MRPL24: variants seen among roughly 807,000 people sequenced by gnomAD.
MRPL24 encodes large ribosomal subunit protein uL24m.
Under a neutral mutation model 26.9 loss-of-function variants are expected in MRPL24, and 15 were observed. The observed-to-expected ratio is 0.56, with a 90% CI of 0.37 to 0.86. The LOEUF (loss-of-function observed/expected upper bound fraction) is 0.86. MRPL24 is among the 40% of genes least tolerant of loss of function. The pLI is 0.00. For missense variants in MRPL24, 241 were observed against 281.4 expected (o/e 0.86, Z 1.03); for synonymous variants, 92 against 102.4 (o/e 0.90, Z 0.62).
At chr1:156,740,290 G>A (rs781175188) in intron 1 of MRPL24, 7 of 152,040 alleles carry the variant, frequency 4.6e-5, no homozygotes, top group Non-Finnish European at 4.4e-5. Flanking sequence ...GTGAGATACT[G>A]GCTCATTTTT....
chr1:156,738,692 C>T lies in MRPL24; in HGVS notation c.13G>A (p.Ala5Thr), dbSNP rs1649980284. 6.3e-7 allele frequency: 1 copy of T among 1,585,348 alleles called. No homozygotes were observed. Among genetic ancestry groups the T allele is most frequent in the Non-Finnish European group, 8.5e-7 (1 of 1,171,800 alleles). Residue 5 changes from alanine to threonine, a missense_variant, in exon 2 of 6, where the codon GCC (alanine) becomes ACC (threonine). Physicochemically the swap from Ala to Thr is moderately conservative, Grantham distance 58. Coordinates refer to ENST00000361531, the MANE Select transcript of MRPL24 (RefSeq NM_145729.3). ...ACCTTGGATGCCAAGGCCAGCAGGGCAGAAAGACGCATGCCTGGAGGTTGT... is the reference window on the plus strand; with the variant it reads ...ACCTTGGATGCCAAGGCCAGCAGGGTAGAAAGACGCATGCCTGGAGGTTGT... Reference protein sequence around the residue: MRLSALLALASKVTL... With the variant: MRLSTLLALASKVTL...
In MRPL24 at chr1:156,738,711, A is replaced by G. The variant is rs549498075; in HGVS notation, c.-7T>C. ...GCAGGGCAGAAAGACGCATGCCTGGAGGTTGTAAGAAATCCCTTTGCCAGC... is the reference window on the plus strand; with the variant it reads ...GCAGGGCAGAAAGACGCATGCCTGGGGGTTGTAAGAAATCCCTTTGCCAGC... On this transcript the variant is annotated 5_prime_UTR_variant, in exon 2 of 6. Transcript: ENST00000361531. 1 of 1,570,174 alleles carries G rather than the reference A, an allele frequency of 6.4e-7. No individual in the cohort carries two copies. Among genetic ancestry groups the G allele is most frequent in the South Asian group, 1.2e-5 (1 of 84,708 alleles).
In MRPL24 at chr1:156,738,642, A is replaced by T. The variant is rs745441371; in HGVS notation, c.63T>A (p.Tyr21Ter). The change falls in exon 2 of 6, where the codon TAT (tyrosine) becomes TAA (stop). Residue 21 changes from tyrosine to a stop codon, truncating the protein, a stop_gained. Transcript: ENST00000361531. LOFTEE classifies it high-confidence loss of function. The part of the protein sequence containing the change: ...SKVTLPPHYR[Y>*]GMSPPGSVAD... ...CAACAGAGCCTGGGGGGCTCATCCC[A>T]TAGCGGTAATGGGGGGGCAGAGTGA... The T allele has an allele frequency of 2.5e-5, 40 of 1,607,844 alleles. No homozygotes were observed. Among genetic ancestry groups the T allele is most frequent in the Non-Finnish European group, 3.3e-5 (39 of 1,178,148 alleles).
intron 2 of MRPL24, 32 bp downstream of exon 2, chr1:156,738,490 C>G: frequency 6.2e-7 from 1 of 1,613,858 alleles, no homozygotes; most frequent in Non-Finnish European, 8.5e-7. Context: ...AGGAGGTTCC[C>G]CATCACTCTA....
chr1:156,739,706 G>A (rs868633883), intron 1 of MRPL24, among the ~76,000 whole-genome samples: 4 of 150,448 alleles, frequency 2.7e-5, no homozygotes, highest in South Asian at 4.2e-4. Context: ...CTGTCGCCCA[G>A]GCTGGAGTGC....
At position 156,738,143 on chromosome 1, in the gene MRPL24, G is replaced by A; in HGVS notation, c.280-9C>T. ...CCAATGTAGCGGTAATGCTGTCCAA[G>A]AGAGGGGAGTGTCAGAAAGCACGGG... is the stretch of plus-strand genomic sequence containing the variant. On this transcript the variant is annotated splice_polypyrimidine_tract_variant and intron_variant, in intron 3 of 5. Coordinates refer to ENST00000361531, the MANE Select transcript of MRPL24 (RefSeq NM_145729.3). 1 of 1,613,690 alleles carries A rather than the reference G, an allele frequency of 6.2e-7. No homozygotes were observed. The highest frequency in any genetic ancestry group is 1.1e-5 in the South Asian group (1 of 91,086).
At chr1:156,738,225 A>C (rs948967164) in intron 3 of MRPL24, 91 bp from the exon 4 acceptor site, 1 of 1,532,348 alleles carries the variant, frequency 6.5e-7, no homozygotes, top group African/African-American at 1.4e-5. Flanking sequence ...TGAAAAGTAG[A>C]AGGTTCAGTA....
chr1:156,741,514 T>C (rs1386393407), upstream of MRPL24: 1 of 152,196 alleles, frequency 6.6e-6, no homozygotes, highest in East Asian at 1.9e-4. Flanking sequence ...AAACTGCCGG[T>C]AGGCTTTCTA....
upstream of MRPL24, chr1:156,742,543 C>G (rs1424091745): frequency 6.5e-5 from 10 of 152,804 alleles, no homozygotes; most frequent in Admixed American, 1.3e-4. Context: ...TTGTAATTTT[C>G]TTTTATTAAA....
chr1:156,741,270 C>A (rs1321377398), upstream of MRPL24: 1 of 152,250 alleles, frequency 6.6e-6, no homozygotes, highest in African/African-American at 2.4e-5. Flanking sequence ...CCGGAACACA[C>A]CATGAAGCAT....
chr1:156,738,652 T>TG lies in MRPL24; in HGVS notation c.52dup (p.His18ProfsTer34), dbSNP rs760797871. On this transcript the variant is annotated frameshift_variant, in exon 2 of 6. Transcript: ENST00000361531. LOFTEE classifies it high-confidence loss of function. ...TGGGGGGCTCATCCCATAGCGGTAA[T>TG]GGGGGGGCAGAGTGACCTTGGATGC... is the stretch of plus-strand genomic sequence containing the variant. 98 of 1,601,534 alleles carry TG rather than the reference T, an allele frequency of 6.1e-5. No homozygotes were observed. The highest frequency in any genetic ancestry group is 1.9e-4 in the South Asian group (17 of 89,224).
At position 156,737,520 on chromosome 1, in the gene MRPL24, T is replaced by G; in HGVS notation, c.529A>C (p.Thr177Pro). The G allele has an allele frequency of 6.2e-7, 1 of 1,606,858 alleles. No homozygotes were observed. Among genetic ancestry groups the G allele is most frequent in the Non-Finnish European group, 8.5e-7 (1 of 1,176,770 alleles). The stretch of plus-strand genomic sequence containing the variant: ...CTTTCTAAAGCATCTTCCACTGATG[T>G]GTCTTTGGGGCCATCTGTTAAGCCA... ...PETWIDGPKD[T>P]SVEDALERTY... Residue 177 changes from threonine to proline, a missense_variant, in exon 6 of 6, where the codon ACA becomes CCA. Physicochemically the swap from Thr to Pro is conservative, Grantham distance 38 (BLOSUM62 -1). Transcript: ENST00000361531.
At chr1:156,741,786 G>A (rs1307740959), upstream of MRPL24, among the ~76,000 whole-genome samples, 3 of 152,156 alleles carry the variant, frequency 2.0e-5, no homozygotes, top group Non-Finnish European at 4.4e-5. Context: ...TATACAACCA[G>A]CCTCCAAACT....
upstream of MRPL24, chr1:156,742,515 G>A (rs995841930): frequency 9.1e-4 from 138 of 152,236 alleles, 1 homozygote; most frequent in Non-Finnish European, 1.5e-5. Flanking sequence ...AAGGGTTAGG[G>A]GTCTTTAAAA....
intron 5 of MRPL24, 53 bp downstream of exon 5, chr1:156,737,593 C>T: frequency 1.2e-6 from 2 of 1,609,736 alleles, no homozygotes; most frequent in Non-Finnish European, 1.7e-6. Context: ...CATTAATGTC[C>T]CCTACTCTCA....
upstream of MRPL24, chr1:156,742,462 A>C (rs1650189788): frequency 6.5e-6 from 1 of 152,674 alleles, no homozygotes; most frequent in Admixed American, 6.5e-5. Flanking sequence ...GCACCTCAGA[A>C]ATGGGGGCAA....
At chr1:156,739,804 G>A (rs1010364417) in intron 1 of MRPL24, among the ~76,000 whole-genome samples, 2 of 152,006 alleles carry the variant, frequency 1.3e-5, no homozygotes, top group Non-Finnish European at 2.9e-5. Flanking sequence ...TAGGATTACA[G>A]GCATGTGCCA....
intron 1 of MRPL24, chr1:156,740,356 AAAC>A (rs1650037417): frequency 7.0e-6 from 1 of 143,084 alleles, no homozygotes. Flanking sequence ...AAAGAAACAA[AAAC>A]AAACAAAAAA....
intron 1 of MRPL24, among the ~76,000 whole-genome samples, chr1:156,739,922 C>A (rs1173333750): frequency 6.6e-6 from 1 of 152,130 alleles, no homozygotes. Flanking sequence ...CTGCCTTGGC[C>A]TCCCAGAGTA....
Sources: gnomAD v4.1 joint callset for allele counts (sites outside exome capture counted in the v4.1 genomes callset) on GRCh38, gnomAD v4.1.1 for gene constraint, MANE v1.5 for transcripts, NCBI Gene and HGNC (gene_info 2026-07-23, HGNC 2026-07-21) for gene names.